Variants in KCNC4 observed in about 807,000 individuals in gnomAD.
The protein encoded by KCNC4 is voltage-gated potassium channel KCNC4.
A neutral mutation model predicts 42.8 loss-of-function variants in KCNC4; 23 were observed. The observed-to-expected ratio is 0.54, with a 90% confidence interval of 0.39 to 0.76. The LOEUF (loss-of-function observed/expected upper bound fraction) is 0.76. KCNC4 is among the 30% of genes least tolerant of loss of function. The pLI, the probability that KCNC4 is intolerant of heterozygous loss-of-function variation, is 0.00. For missense variants in KCNC4, 751 were observed against 898.2 expected, an observed-to-expected ratio of 0.84 and a Z score of 2.10; for synonymous variants, 422 against 393.5, an observed-to-expected ratio of 1.07 and a Z score of -0.86.
exon 4 of KCNC4, chr1:110,239,645 T>TA (rs1404075061): frequency 2.6e-5 from 4 of 152,298 alleles, no homozygotes; most frequent in Non-Finnish European, 4.4e-5. Context: ...TCCTCTCTTA[T>TA]TCCTCGCAAG....
chr1:110,212,453 G>A (rs143084201), intron 1 of KCNC4, among the ~76,000 whole-genome samples: 1,961 of 152,238 alleles, frequency 0.013, 17 homozygotes, highest in Non-Finnish European at 0.018. Flanking sequence ...CAGTGAGTGG[G>A]GTGCCCAGCT....
At chr1:110,232,290 C>G in intron 3 of KCNC4, 1 of 1,613,724 alleles carries the variant, frequency 6.2e-7, no homozygotes. Flanking sequence ...ACTGCTGGGA[C>G]TCTGTTCCTG....
chr1:110,259,726 CTTCTTGACT>C (rs1469870508), intron 1 of KCNC4, among the ~76,000 whole-genome samples: 2 of 152,152 alleles, frequency 1.3e-5, no homozygotes, highest in African/African-American at 4.8e-5. Context: ...ATCTGAGGTT[CTTCTTGACT>C]TTCTTGACAA....
chr1:110,222,860 TG>T, intron 1 of KCNC4, 103 bp from the exon 2 acceptor site: 1 of 787,764 alleles, frequency 1.3e-6, no homozygotes, highest in Non-Finnish European at 2.1e-6. Flanking sequence ...CCTCTCACTC[TG>T]GAATGCCCTT....
At chr1:110,279,792 AT>A (rs746438498) in intron 1 of KCNC4, among the ~76,000 whole-genome samples, 1,682 of 98,608 alleles carry the variant, frequency 0.017, 6 homozygotes, top group African/African-American at 0.046. Flanking sequence ...GGCTTTAGGA[AT>A]TTTTTTTTTT....
intron 1 of KCNC4, among the ~76,000 whole-genome samples, chr1:110,262,231 T>C (rs1570578919): frequency 6.6e-6 from 1 of 152,266 alleles, no homozygotes; most frequent in Admixed American, 6.5e-5. Context: ...GAACAGACTC[T>C]GGGTGCTATA....
At chr1:110,281,778 C>A (rs1218190661) in intron 1 of KCNC4, among the ~76,000 whole-genome samples, 1 of 152,192 alleles carries the variant, frequency 6.6e-6, no homozygotes, top group Non-Finnish European at 1.5e-5. Flanking sequence ...TAAGTATGAT[C>A]TCTCTGAGAG....
chr1:110,260,527 A>G (rs1218459291), intron 1 of KCNC4, among the ~76,000 whole-genome samples: 1 of 152,260 alleles, frequency 6.6e-6, no homozygotes, highest in East Asian at 1.9e-4. Flanking sequence ...TAATATCAAT[A>G]GTAAAAGCAT....
At chr1:110,214,253 A>T (rs1386732741) in intron 1 of KCNC4, among the ~76,000 whole-genome samples, 1 of 152,238 alleles carries the variant, frequency 6.6e-6, no homozygotes, top group Admixed American at 6.5e-5. Flanking sequence ...ACCAGGATTC[A>T]GAGACATTAA....
chr1:110,256,434 G>GTCAC (rs1659332716), intron 1 of KCNC4, among the ~76,000 whole-genome samples: 1 of 152,134 alleles, frequency 6.6e-6, no homozygotes, highest in African/African-American at 2.4e-5. Flanking sequence ...ACATAACTTG[G>GTCAC]TCACTCAGAA....
intron 1 of KCNC4, among the ~76,000 whole-genome samples, chr1:110,276,297 T>TAAAA (rs1659724612): frequency 3.4e-5 from 1 of 29,202 alleles, no homozygotes. Flanking sequence ...TTTCAATTTA[T>TAAAA]ACAAAAAAAA....
rs1041370778 is a variant in KCNC4, at chr1:110,216,658, G to T, written c.678+4481G>T. Among the ~76,000 whole-genome samples, 9 of 152,304 alleles carry T rather than the reference G, an allele frequency of 5.9e-5. No homozygotes were observed. The East Asian group carries it at 1.7e-3, about 29-fold the overall frequency. ...AGAGCCAGGCAGCTTGGCCTTGAGG[G>T]TAGGAGACCCTGGGCCCTTCACCCC... On this transcript the variant is annotated intron_variant, in intron 1 of 3. Coordinates refer to ENST00000438661, the MANE Select transcript of KCNC4 (RefSeq NM_001039574.3).
rs559671892 is a variant in KCNC4 at position 110,211,417 on chromosome 1, C to T, written c.-83C>T. On this transcript the variant is annotated 5_prime_UTR_variant, in exon 1 of 4. Coordinates refer to ENST00000438661, the MANE Select transcript of KCNC4 (RefSeq NM_001039574.3). This position sits in a 1 kb window ranked among gnomAD's most constrained non-coding sequence, Gnocchi z 6.5. ...TCCTGCCTCCTCTTCGTCTCCTCCC[C>T]CTCCCCCGTCTGACGCTGCCTCCTC... The T allele has an allele frequency of 2.0e-5, 30 of 1,494,382 alleles. No individual in the cohort carries two copies. The highest frequency in any genetic ancestry group is 2.5e-5 in the Non-Finnish European group (28 of 1,117,078). The allele number at this position is 1,494,382 out of a possible 1,614,324, so 92.6% of individuals were successfully genotyped here.
rs56333861 is a variant in KCNC4, at chr1:110,257,720, C to CAAAAAAAAAAAAA, written n.31-24804_31-24792dup. Among the ~76,000 whole-genome samples, 28 of 90,974 alleles carry CAAAAAAAAAAAAA rather than the reference C, an allele frequency of 3.1e-4. 2 individuals are homozygous for CAAAAAAAAAAAAA. The highest frequency in any genetic ancestry group is 1.3e-3 in the African/African-American group (27 of 20,206). The allele number at this position is 90,974 out of a possible 152,430, so 59.7% of individuals were successfully genotyped here. ...TTGGCAACAGAGCGAGACTCCGTCTCAAAAAAAAAAAAAAAAAAAAAAGTC... is the reference window on the plus strand; with the variant it reads ...TTGGCAACAGAGCGAGACTCCGTCTCAAAAAAAAAAAAAAAAAAAAAAAAAAAAAAAAAAAGTC... On this transcript the variant is annotated intron_variant and non_coding_transcript_variant, in intron 1 of 2. Coordinates refer to the KCNC4 transcript ENST00000412512.
At chr1:110,252,046 G>C (rs1462804433), downstream of KCNC4, among the ~76,000 whole-genome samples, 1 of 152,194 alleles carries the variant, frequency 6.6e-6, no homozygotes, top group African/African-American at 2.4e-5. Context: ...AGGGAGCAAG[G>C]GGTGGGGCAG....
chr1:110,222,681 T>C, intron 1 of KCNC4: 3 of 410,000 alleles, frequency 7.3e-6, no homozygotes, highest in Non-Finnish European at 1.3e-5. Flanking sequence ...TGGGCAGAGC[T>C]ATCAAAGGCA....
At chr1:110,215,821 C>CA (rs1007315078) in intron 1 of KCNC4, among the ~76,000 whole-genome samples, 5 of 152,220 alleles carry the variant, frequency 3.3e-5, no homozygotes, top group African/African-American at 1.2e-4. Context: ...CTCAAGGTCG[C>CA]ACCACTTGTG....
intron 1 of KCNC4, among the ~76,000 whole-genome samples, chr1:110,256,378 G>C (rs1659332103): frequency 6.6e-6 from 1 of 152,178 alleles, no homozygotes; most frequent in South Asian, 2.1e-4. Context: ...AATATTTACT[G>C]TGACCCTCAC....
At chr1:110,234,403 G>T, downstream of KCNC4, 1 of 152,204 alleles carries the variant, frequency 6.6e-6, no homozygotes, top group East Asian at 1.9e-4. Flanking sequence ...AATTGTACCA[G>T]TTCTAAATGG....
Sources: gnomAD v4.1 joint callset for allele counts (sites outside exome capture counted in the v4.1 genomes callset) on GRCh38, gnomAD v4.1.1 for gene constraint, Gnocchi (gnomAD v3.1) non-coding constraint, MANE v1.5 for transcripts, NCBI Gene and HGNC (gene_info 2026-07-23, HGNC 2026-07-21) for gene names.